The following SFT2D3 variants were observed in gnomAD, a reference collection of about 807,000 sequenced individuals.
SFT2D3 encodes vesicle transport protein SFT2C.
For synonymous variants in SFT2D3, 239 were observed against 191.2 expected (o/e 1.25, Z -2.06); for missense variants, 405 against 334.6 (o/e 1.21, Z -1.64).
rs1685910682 is a variant in SFT2D3, at chr2:127,702,244, C to CT, written c.*69dup. On this transcript the variant is annotated 3_prime_UTR_variant, in exon 1 of 1. Coordinates refer to ENST00000310981, the MANE Select transcript of SFT2D3 (RefSeq NM_032740.4). ...GCCGTCGGAGACCGCGCCGGCCGAG[C>CT]TGAGGACTGCACGCCGCTGTGCGGA... 8.5e-7 allele frequency: 1 copy of CT among 1,173,674 alleles called. No individual in the cohort carries two copies. Among genetic ancestry groups the CT allele is most frequent in the Non-Finnish European group, 1.1e-6 (1 of 940,548 alleles). 72.7% of individuals were successfully genotyped at this position (1,173,674 alleles called of 1,614,324 possible).
Position 127,702,143 on chromosome 2 carries a change from C to T in SFT2D3, c.615C>T (p.Arg205=), listed in dbSNP as rs1194136357. The change falls in exon 1 of 1, where the codon CGC becomes CGT. Residue 205 remains arginine (R), a synonymous_variant. Coordinates refer to ENST00000310981, the MANE Select transcript of SFT2D3 (RefSeq NM_032740.4). The part of the protein sequence containing the change: ...ALRLALGRLG[R]GAGLAKVLPV ...GCCTCGCACTGGGTCGCCTGGGCCGCGGCGCCGGCCTCGCCAAGGTGCTGC... is the reference window on the plus strand; with the variant it reads ...GCCTCGCACTGGGTCGCCTGGGCCGTGGCGCCGGCCTCGCCAAGGTGCTGC... The T allele has an allele frequency of 5.8e-6, 7 of 1,215,146 alleles. No individual in the cohort carries two copies. In the African/African-American group the frequency reaches 6.3e-5, roughly 11 times the overall value. The allele number at this position is 1,215,146 out of a possible 1,614,324, so 75.3% of individuals were successfully genotyped here.
In SFT2D3 at chr2:127,702,205, T is replaced by TA. The variant is rs887512005; in HGVS notation, c.*30dup. On this transcript the variant is annotated 3_prime_UTR_variant, in exon 1 of 1. Transcript: ENST00000310981. ...CCTCGCGCCCTCGCCGCTGGGGAAG[T>TA]ACGCGGAGCCAGCGCCGTCGGAGAC... 66 of 1,211,746 alleles carry TA rather than the reference T, an allele frequency of 5.4e-5. No individual in the cohort carries two copies. In the African/African-American group the frequency reaches 7.9e-4, roughly 14 times the overall value. 75.1% of individuals were successfully genotyped at this position (1,211,746 alleles called of 1,614,324 possible).
In SFT2D3 at chr2:127,702,723, G is replaced by C. The variant is rs1473586959; in HGVS notation, c.*547G>C. 2 of 166,920 alleles carry C rather than the reference G, an allele frequency of 1.2e-5. No homozygotes were observed. Among genetic ancestry groups the C allele is most frequent in the Non-Finnish European group, 2.9e-5 (2 of 68,094 alleles). 10.3% of individuals were successfully genotyped at this position (166,920 alleles called of 1,614,324 possible). ...AAAAGTACTTAAGATGGTTTATCTC[G>C]GGTTTTTTCTTCAGTTAACAAAATC... is the stretch of plus-strand genomic sequence containing the variant. On this transcript the variant is annotated 3_prime_UTR_variant, in exon 1 of 1. Coordinates refer to ENST00000310981, the MANE Select transcript of SFT2D3 (RefSeq NM_032740.4).
rs1685954825 is a variant in SFT2D3, at chr2:127,703,980, A to C, written c.*1804A>C. 6.0e-6 allele frequency: 1 copy of C among 166,678 alleles called. No individual in the cohort carries two copies. The highest frequency in any genetic ancestry group is 1.5e-5 in the Non-Finnish European group (1 of 68,082). The allele number at this position is 166,678 out of a possible 1,614,324, so 10.3% of individuals were successfully genotyped here. On this transcript the variant is annotated 3_prime_UTR_variant, in exon 1 of 1. Coordinates refer to ENST00000310981, the MANE Select transcript of SFT2D3 (RefSeq NM_032740.4). ...AGAAAATCTTCAAAAAATTTGCCAG[A>C]TATGGTGGCACACAACTGTGATCCC...
rs1331296528 is a variant in SFT2D3 at position 127,701,769 on chromosome 2, G to A, written c.241G>A (p.Gly81Ser). Residue 81 changes from glycine to serine, a missense_variant, in exon 1 of 1, where the codon GGC (glycine) becomes AGC (serine). Gly to Ser is a moderately conservative substitution (Grantham distance 56). Transcript: ENST00000310981. ...VTRGQRLAAG[G>S]GCLLLAALCF... ...GCGCGGGCAGCGGCTGGCGGCGGGCGGCGGGTGCCTGCTGCTGGCTGCACT... is the reference window on the plus strand; with the variant it reads ...GCGCGGGCAGCGGCTGGCGGCGGGCAGCGGGTGCCTGCTGCTGGCTGCACT... The A allele has an allele frequency of 2.1e-6, 3 of 1,427,116 alleles. No homozygotes were observed. Among genetic ancestry groups the A allele is most frequent in the South Asian group, 1.4e-5 (1 of 73,622 alleles). 88.4% of individuals were successfully genotyped at this position (1,427,116 alleles called of 1,614,324 possible). A position where few individuals can be genotyped will look rare whatever the true frequency, so the allele number is the denominator to read the frequency against.
chr2:127,701,587 C>T lies in SFT2D3; in HGVS notation c.59C>T (p.Pro20Leu), dbSNP rs750031745. ...EYLAQGKAGG[P>L]AAAEPLLAAE... ...CTGGCGCAGGGGAAAGCTGGCGGCC[C>T]GGCGGCCGCGGAGCCGCTGCTCGCC... The change falls in exon 1 of 1, where the codon CCG (proline) becomes CTG (leucine). Residue 20 changes from proline (P) to leucine (L), a missense_variant. Pro to Leu is a moderately conservative substitution (Grantham distance 98, BLOSUM62 -3). Coordinates refer to ENST00000310981, the MANE Select transcript of SFT2D3 (RefSeq NM_032740.4). The T allele has an allele frequency of 5.3e-6, 7 of 1,330,584 alleles. No homozygotes were observed. Among genetic ancestry groups the T allele is most frequent in the Admixed American group, 3.5e-5 (1 of 28,312 alleles). 82.4% of individuals were successfully genotyped at this position (1,330,584 alleles called of 1,614,324 possible).
At position 127,702,314 on chromosome 2, in the gene SFT2D3, C is replaced by G; in HGVS notation, c.*138C>G. On this transcript the variant is annotated 3_prime_UTR_variant, in exon 1 of 1. Transcript: ENST00000310981. ...GCCCTAACAGCCTGCGAGTCTAATC[C>G]GGGAGCGGCTGCTGCCAGCGGAGGC... The G allele has an allele frequency of 1.1e-6, 1 of 933,444 alleles. No individual in the cohort carries two copies. 57.8% of individuals were successfully genotyped at this position (933,444 alleles called of 1,614,324 possible). A position where few individuals can be genotyped will look rare whatever the true frequency, so the allele number is the denominator to read the frequency against.
Position 127,702,434 on chromosome 2 carries a change from G to T in SFT2D3, c.*258G>T, listed in dbSNP as rs1685916843. On this transcript the variant is annotated 3_prime_UTR_variant, in exon 1 of 1. Transcript: ENST00000310981. ...GATTTTGTCATTGAACTGGTGACAG[G>T]ATGTGAGACGGTTATTAGAAGTTGC... 3.7e-6 allele frequency: 1 copy of T among 273,500 alleles called. No individual in the cohort carries two copies. The highest frequency in any genetic ancestry group is 7.6e-5 in the East Asian group (1 of 13,240). The allele number at this position is 273,500 out of a possible 1,614,324, so 16.9% of individuals were successfully genotyped here.
rs2105363897 is a variant in SFT2D3 at position 127,701,851 on chromosome 2, T to C, written c.323T>C (p.Phe108Ser). The C allele has an allele frequency of 1.4e-6, 2 of 1,458,810 alleles. No individual in the cohort carries two copies. The highest frequency in any genetic ancestry group is 2.6e-5 in the South Asian group (2 of 77,672). The allele number at this position is 1,458,810 out of a possible 1,614,324, so 90.4% of individuals were successfully genotyped here. Residue 108 changes from phenylalanine to serine, a missense_variant, in exon 1 of 1, where the codon TTC (phenylalanine) becomes TCC (serine). Phe to Ser is a radical substitution (Grantham distance 155). Transcript: ENST00000310981. ...APVLLLRARK[F>S]ALLWSLGSAL... is the part of the protein sequence containing the mutation. ...GTGTTGCTGCTGCGCGCGCGCAAGT[T>C]CGCGCTGCTCTGGTCACTGGGCTCG...
chr2:127,702,262 T>A lies in SFT2D3; in HGVS notation c.*86T>A, dbSNP rs1685911115. On this transcript the variant is annotated 3_prime_UTR_variant, in exon 1 of 1. Coordinates refer to ENST00000310981, the MANE Select transcript of SFT2D3 (RefSeq NM_032740.4). ...GGCCGAGCTGAGGACTGCACGCCGC[T>A]GTGCGGAAGCCCGTGGCGAAGGCCC... 8.8e-7 allele frequency: 1 copy of A among 1,140,666 alleles called. No individual in the cohort carries two copies. Among genetic ancestry groups the A allele is most frequent in the African/African-American group, 1.6e-5 (1 of 60,964 alleles). 70.7% of individuals were successfully genotyped at this position (1,140,666 alleles called of 1,614,324 possible).
At position 127,701,715 on chromosome 2, in the gene SFT2D3, G is replaced by C; in HGVS notation, c.187G>C (p.Ala63Pro). 7.4e-7 allele frequency: 1 copy of C among 1,342,544 alleles called. No individual in the cohort carries two copies. The highest frequency in any genetic ancestry group is 3.2e-5 in the East Asian group (1 of 31,022). The allele number at this position is 1,342,544 out of a possible 1,614,324, so 83.2% of individuals were successfully genotyped here. The change falls in exon 1 of 1, where the codon GCC becomes CCC. Residue 63 changes from alanine (A) to proline (P), a missense_variant. Ala to Pro is a conservative substitution (Grantham distance 27). Coordinates refer to ENST00000310981, the MANE Select transcript of SFT2D3 (RefSeq NM_032740.4). The stretch of plus-strand genomic sequence containing the variant: ...GCGGAGCCCTGCGGAGTCGGCAGCG[G>C]CCGGCCTGACGTGCCTCCCGAGCGT... ...WARSPAESAA[A>P]GLTCLPSVTR... is the part of the protein sequence containing the mutation.
chr2:127,702,820 G>T lies in SFT2D3; in HGVS notation c.*644G>T. On this transcript the variant is annotated 3_prime_UTR_variant, in exon 1 of 1. Coordinates refer to ENST00000310981, the MANE Select transcript of SFT2D3 (RefSeq NM_032740.4). ...TCACGACGAAAGCGACGGACCAAAA[G>T]AAATTTCCTGCCCCAAGAAGCATGG... 6.0e-6 allele frequency: 1 copy of T among 166,972 alleles called. No homozygotes were observed. The allele number at this position is 166,972 out of a possible 1,614,324, so 10.3% of individuals were successfully genotyped here.
At position 127,701,872 on chromosome 2, in the gene SFT2D3, G is replaced by T. The variant is rs780314092; in HGVS notation, c.344G>T (p.Gly115Val). ...AAGTTCGCGCTGCTCTGGTCACTGGGCTCGGCGCTGGCGTTGGCGGGAAGC... is the reference window on the plus strand; with the variant it reads ...AAGTTCGCGCTGCTCTGGTCACTGGTCTCGGCGCTGGCGTTGGCGGGAAGC... ...ARKFALLWSL[G>V]SALALAGSAL... Residue 115 changes from glycine (G) to valine (V), a missense_variant, in exon 1 of 1, where the codon GGC (glycine) becomes GTC (valine). Coordinates refer to ENST00000310981, the MANE Select transcript of SFT2D3 (RefSeq NM_032740.4). The T allele has an allele frequency of 8.9e-6, 13 of 1,459,536 alleles. No individual in the cohort carries two copies. The Admixed American group carries it at 3.2e-4, about 36-fold the overall frequency. The allele number at this position is 1,459,536 out of a possible 1,614,324, so 90.4% of individuals were successfully genotyped here. A position where few individuals can be genotyped will look rare whatever the true frequency, so the allele number is the denominator to read the frequency against.
chr2:127,703,358 T>C lies in SFT2D3; in HGVS notation c.*1182T>C, dbSNP rs769110913. 1.8e-5 allele frequency: 3 copies of C among 167,080 alleles called. No homozygotes were observed. The highest frequency in any genetic ancestry group is 2.9e-5 in the Non-Finnish European group (2 of 68,124). 10.3% of individuals were successfully genotyped at this position (167,080 alleles called of 1,614,324 possible). Reference sequence around the variant, plus strand: ...CCCAAGTTTGAGGACCACTTTTCTGTGCATTGGCTTGCACAATTTGAAAGT... The same window carrying C: ...CCCAAGTTTGAGGACCACTTTTCTGCGCATTGGCTTGCACAATTTGAAAGT... On this transcript the variant is annotated 3_prime_UTR_variant, in exon 1 of 1. Transcript: ENST00000310981.
In SFT2D3 at chr2:127,702,169, C is replaced by G; in HGVS notation, c.641C>G (p.Pro214Arg). The G allele has an allele frequency of 3.3e-6, 4 of 1,214,444 alleles. No homozygotes were observed. The highest frequency in any genetic ancestry group is 4.1e-6 in the Non-Finnish European group (4 of 976,664). 75.2% of individuals were successfully genotyped at this position (1,214,444 alleles called of 1,614,324 possible). The change falls in exon 1 of 1, where the codon CCC becomes CGC. Residue 214 changes from proline to arginine, a missense_variant. Pro to Arg is a moderately radical substitution (Grantham distance 103). Coordinates refer to ENST00000310981, the MANE Select transcript of SFT2D3 (RefSeq NM_032740.4). The part of the protein sequence containing the change: ...GRGAGLAKVL[P>R]V Reference sequence around the variant, plus strand: ...GGCGCCGGCCTCGCCAAGGTGCTGCCCGTGTGAGGACCTCGCGCCCTCGCC... The same window carrying G: ...GGCGCCGGCCTCGCCAAGGTGCTGCGCGTGTGAGGACCTCGCGCCCTCGCC...
chr2:127,701,839 G>A lies in SFT2D3; in HGVS notation c.311G>A (p.Arg104His). Residue 104 changes from arginine to histidine, a missense_variant, in exon 1 of 1, where the codon CGC becomes CAC. Arg to His is a conservative substitution (Grantham distance 29). Coordinates refer to ENST00000310981, the MANE Select transcript of SFT2D3 (RefSeq NM_032740.4). ...AALYAPVLLL[R>H]ARKFALLWSL... Reference sequence around the variant, plus strand: ...CTCTACGCACCGGTGTTGCTGCTGCGCGCGCGCAAGTTCGCGCTGCTCTGG... The same window carrying A: ...CTCTACGCACCGGTGTTGCTGCTGCACGCGCGCAAGTTCGCGCTGCTCTGG... 6.9e-7 allele frequency: 1 copy of A among 1,458,722 alleles called. No individual in the cohort carries two copies. The highest frequency in any genetic ancestry group is 9.0e-7 in the Non-Finnish European group (1 of 1,109,814). 90.4% of individuals were successfully genotyped at this position (1,458,722 alleles called of 1,614,324 possible). A position where few individuals can be genotyped will look rare whatever the true frequency, so the allele number is the denominator to read the frequency against.
In SFT2D3 at chr2:127,703,215, C is replaced by G. The variant is rs1387382233; in HGVS notation, c.*1039C>G. The G allele has an allele frequency of 7.2e-5, 12 of 166,974 alleles. No individual in the cohort carries two copies. The highest frequency in any genetic ancestry group is 4.4e-5 in the Non-Finnish European group (3 of 68,110). 10.3% of individuals were successfully genotyped at this position (166,974 alleles called of 1,614,324 possible). ...AAACATTGTGTGCCAGTGGTCCTCG[C>G]GCTTGACTGCACATCAGTTACTTGA... On this transcript the variant is annotated 3_prime_UTR_variant, in exon 1 of 1. Transcript: ENST00000310981.
At position 127,701,833 on chromosome 2, in the gene SFT2D3, T is replaced by C; in HGVS notation, c.305T>C (p.Leu102Pro). 1 of 1,458,774 alleles carries C rather than the reference T, an allele frequency of 6.9e-7. No homozygotes were observed. The allele number at this position is 1,458,774 out of a possible 1,614,324, so 90.4% of individuals were successfully genotyped here. ...GCCGCGCTCTACGCACCGGTGTTGCTGCTGCGCGCGCGCAAGTTCGCGCTG... is the reference window on the plus strand; with the variant it reads ...GCCGCGCTCTACGCACCGGTGTTGCCGCTGCGCGCGCGCAAGTTCGCGCTG... ...GLAALYAPVL[L>P]LRARKFALLW... The change falls in exon 1 of 1, where the codon CTG (leucine) becomes CCG (proline). Residue 102 changes from leucine (L) to proline (P), a missense_variant. By Grantham distance (98) the Leu-to-Pro change is moderately conservative (BLOSUM62 -3). Transcript: ENST00000310981.
At position 127,703,558 on chromosome 2, in the gene SFT2D3, G is replaced by C. The variant is rs546733945; in HGVS notation, c.*1382G>C. The stretch of plus-strand genomic sequence containing the variant: ...CAACATCCACACTGTAGGCTTGCAG[G>C]CTACCCGCCCTGAGATTTGGTAAAG... On this transcript the variant is annotated 3_prime_UTR_variant, in exon 1 of 1. Transcript: ENST00000310981. 1.2e-5 allele frequency: 2 copies of C among 167,188 alleles called. No individual in the cohort carries two copies. Among genetic ancestry groups the C allele is most frequent in the South Asian group, 2.1e-4 (1 of 4,826 alleles). The allele number at this position is 167,188 out of a possible 1,614,324, so 10.4% of individuals were successfully genotyped here. A position where few individuals can be genotyped will look rare whatever the true frequency, so the allele number is the denominator to read the frequency against.
Sources: gnomAD v4.1 joint callset for allele counts on GRCh38, gnomAD v4.1.1 for gene constraint, MANE v1.5 for transcripts, NCBI Gene and HGNC (gene_info 2026-07-23, HGNC 2026-07-21) for gene names.